The following ADK variants were observed in gnomAD, a reference collection of about 807,000 sequenced individuals.
ADK encodes the protein N6,N6-dimethyladenosine kinase.
Under a neutral mutation model 44.7 loss-of-function variants are expected in ADK, and 24 were observed. The observed-to-expected ratio is 0.54, with a 90% CI of 0.39 to 0.76. ADK has a LOEUF of 0.76. ADK is among the 30% of genes least tolerant of loss of function. ADK has a pLI of 0.00. For missense variants in ADK, 321 were observed against 425.1 expected, an observed-to-expected ratio of 0.76 and a Z score of 2.15; for synonymous variants, 128 against 142.6, an observed-to-expected ratio of 0.90 and a Z score of 0.73.
Position 74,215,903 on chromosome 10 carries a change from G to A in ADK, c.141-8635G>A, listed in dbSNP as rs533210606. On this transcript the variant is annotated intron_variant, in intron 2 of 10. Transcript: ENST00000539909. The stretch of plus-strand genomic sequence containing the variant: ...GATCTCCTGACCTTGTGATCCGCCC[G>A]TCTCGGCCTCCCAAAGTGCTGGGAT... Among the ~76,000 whole-genome samples the A allele has an allele frequency of 1.5e-4, 23 of 151,982 alleles. No homozygotes were observed. The South Asian group carries it at 1.7e-3, about 11-fold the overall frequency.
intron 6 of ADK, among the ~76,000 whole-genome samples, chr10:74,446,039 C>T (rs10762617): frequency 0.61 from 92,017 of 151,870 alleles, 30,258 homozygotes; most frequent in Middle Eastern, 0.78. Flanking sequence ...AAAAAATAAA[C>T]AGTTGGTTAG....
intron 9 of ADK, among the ~76,000 whole-genome samples, chr10:74,618,535 C>A (rs1589302720): frequency 6.6e-6 from 1 of 152,076 alleles, no homozygotes; most frequent in Admixed American, 6.6e-5. Context: ...GTGATCCGCC[C>A]GCCTCGGCCT....
chr10:74,504,146 C>T (rs1847966673), intron 6 of ADK, among the ~76,000 whole-genome samples: 1 of 152,264 alleles, frequency 6.6e-6, no homozygotes, highest in Non-Finnish European at 1.5e-5. Flanking sequence ...AAGAGTGCTA[C>T]AGGATATTTT....
intron 9 of ADK, among the ~76,000 whole-genome samples, chr10:74,642,624 A>G (rs1189936413): frequency 2.6e-5 from 4 of 152,064 alleles, no homozygotes; most frequent in African/African-American, 4.8e-5. Context: ...CTTATAAAAT[A>G]TTTACTAAAA....
chr10:74,665,319 T>C lies in ADK; in HGVS notation c.878-4864T>C, dbSNP rs528643779. Among the ~76,000 whole-genome samples the C allele has an allele frequency of 3.9e-5, 6 of 152,354 alleles. No homozygotes were observed. In the South Asian group the frequency reaches 1.0e-3, roughly 26 times the overall value. On this transcript the variant is annotated intron_variant, in intron 9 of 10. Coordinates refer to ENST00000539909, the MANE Select transcript of ADK (RefSeq NM_006721.4). ...AATGGCATAAGAATGTGAAGGGTTC[T>C]GGTTTTTACGTAGTCATACTTTTCA...
At chr10:74,414,054 A>T (rs1014932576) in intron 6 of ADK, among the ~76,000 whole-genome samples, 3 of 152,240 alleles carry the variant, frequency 2.0e-5, no homozygotes, top group Non-Finnish European at 2.9e-5. Context: ...AAACAATTAC[A>T]ATAATAATAT....
At chr10:74,229,595 T>TG (rs1393261239) in intron 3 of ADK, among the ~76,000 whole-genome samples, 5 of 152,106 alleles carry the variant, frequency 3.3e-5, no homozygotes, top group Admixed American at 2.6e-4. Flanking sequence ...GAAAGGGTTT[T>TG]GCCGTGTTAG....
chr10:74,454,876 G>C (rs1251193045), intron 6 of ADK, among the ~76,000 whole-genome samples: 1 of 152,154 alleles, frequency 6.6e-6, no homozygotes, highest in Non-Finnish European at 1.5e-5. Context: ...GAGAAAAGAT[G>C]CTCCTTTATA....
intron 9 of ADK, among the ~76,000 whole-genome samples, chr10:74,649,731 A>G (rs1854194212): frequency 1.3e-5 from 2 of 152,104 alleles, no homozygotes; most frequent in Admixed American, 6.6e-5. Context: ...TTCCCACTAA[A>G]TTTTTTAATG....
intron 10 of ADK, among the ~76,000 whole-genome samples, chr10:74,691,903 C>T (rs567827986): frequency 3.3e-5 from 5 of 152,108 alleles, no homozygotes; most frequent in Admixed American, 6.6e-5. Flanking sequence ...TGGGAACTCT[C>T]ATTTATTGCT....
intron 3 of ADK, among the ~76,000 whole-genome samples, chr10:74,303,057 C>T (rs1377255145): frequency 1.3e-5 from 2 of 151,656 alleles, no homozygotes; most frequent in African/African-American, 4.8e-5. Flanking sequence ...AATAAAGATG[C>T]ATCTTCAGTT....
At chr10:74,292,895 A>G (rs1464159463) in intron 3 of ADK, among the ~76,000 whole-genome samples, 1 of 152,172 alleles carries the variant, frequency 6.6e-6, no homozygotes, top group Non-Finnish European at 1.5e-5. Flanking sequence ...TTGTCAGCAC[A>G]ACAGATTGGC....
intron 4 of ADK, among the ~76,000 whole-genome samples, chr10:74,370,054 G>A (rs1389483994): frequency 6.6e-6 from 1 of 152,032 alleles, no homozygotes; most frequent in South Asian, 2.1e-4. Flanking sequence ...GGCTATACTT[G>A]GGGACAAATC....
chr10:74,553,129 A>G (rs981114369), intron 7 of ADK, among the ~76,000 whole-genome samples: 11 of 151,784 alleles, frequency 7.2e-5, no homozygotes, highest in South Asian at 2.1e-4. Flanking sequence ...AGAGTTGTGC[A>G]AGAAGATTCA....
chr10:74,537,992 C>T (rs1421321698), intron 7 of ADK, among the ~76,000 whole-genome samples: 3 of 152,140 alleles, frequency 2.0e-5, no homozygotes, highest in Middle Eastern at 3.2e-3. Flanking sequence ...TGCAGTGGCT[C>T]ATGCCTGTAA....
At chr10:74,629,041 CT>C (rs528097565) in intron 9 of ADK, among the ~76,000 whole-genome samples, 9 of 148,844 alleles carry the variant, frequency 6.0e-5, no homozygotes, top group Admixed American at 1.3e-4. Flanking sequence ...GCACCCTACT[CT>C]TTTTTTTTTA....
intron 2 of ADK, among the ~76,000 whole-genome samples, chr10:74,221,808 G>C (rs1844321998): frequency 1.4e-5 from 2 of 147,518 alleles, no homozygotes; most frequent in South Asian, 4.3e-4. Context: ...TGGGAAAACT[G>C]GCTAGCCATA....
intron 1 of ADK, among the ~76,000 whole-genome samples, chr10:74,171,784 C>T (rs969668747): frequency 2.7e-5 from 4 of 150,670 alleles, no homozygotes. Flanking sequence ...TCAGCGCTCA[C>T]TCTCTTTCTG....
intron 3 of ADK, among the ~76,000 whole-genome samples, chr10:74,287,968 C>T (rs1847246631): frequency 7.6e-6 from 1 of 131,838 alleles, no homozygotes; most frequent in Non-Finnish European, 1.5e-5. Context: ...GGGCGATGTA[C>T]TGAGACCCTG....
Sources: gnomAD v4.1 joint callset for allele counts (sites outside exome capture counted in the v4.1 genomes callset) on GRCh38, gnomAD v4.1.1 for gene constraint, MANE v1.5 for transcripts, NCBI Gene and HGNC (gene_info 2026-07-23, HGNC 2026-07-21) for gene names.